UTP20: variants seen among roughly 807,000 people sequenced by gnomAD.
The protein encoded by UTP20 is small subunit processome component 20 homolog.
UTP20 carries 164 observed loss-of-function variants against 329.5 expected under a neutral mutation model. The ratio of observed to expected loss-of-function variants is 0.50; its 90% CI spans 0.44 to 0.57. The LOEUF (loss-of-function observed/expected upper bound fraction) is 0.57. Among genes scored for constraint, UTP20 ranks in the 20% least tolerant of loss-of-function variants. The pLI is 0.00. For missense variants in UTP20, 3,055 were observed against 3,284.2 expected, an observed-to-expected ratio of 0.93 and a Z score of 1.71; for synonymous variants, 1,151 against 1,159.3, an observed-to-expected ratio of 0.99 and a Z score of 0.14.
chr12:101,317,436 T>C, intron 21 of UTP20, 42 bp from the exon 22 acceptor site: 2 of 1,597,292 alleles, frequency 1.3e-6, no homozygotes, highest in South Asian at 1.1e-5. Context: ...CAGATTGGTG[T>C]GCGTTCTTCA....
chr12:101,290,451 C>T (rs1227532812), intron 7 of UTP20, among the ~76,000 whole-genome samples, 177 bp downstream of exon 7: 1 of 152,142 alleles, frequency 6.6e-6, no homozygotes, highest in African/African-American at 2.4e-5. Flanking sequence ...TGAGATGTTA[C>T]TTACAGAGCC....
At chr12:101,345,480 T>G in intron 36 of UTP20, 74 bp from the exon 37 acceptor site, 5 of 1,037,180 alleles carry the variant, frequency 4.8e-6, no homozygotes, top group Non-Finnish European at 5.3e-6. Flanking sequence ...AATTTTATGT[T>G]TTTTTCTGTT....
chr12:101,294,205 T>G (rs1224358143), intron 11 of UTP20, among the ~76,000 whole-genome samples: 1 of 152,112 alleles, frequency 6.6e-6, no homozygotes, highest in Admixed American at 6.6e-5. Context: ...CTGGCTGATT[T>G]TTTGTATTTT....
intron 26 of UTP20, among the ~76,000 whole-genome samples, chr12:101,328,057 A>G (rs1868628218): frequency 1.3e-5 from 2 of 152,226 alleles, no homozygotes; most frequent in South Asian, 4.1e-4. Context: ...CCTCTGTTCC[A>G]GTCCCCAAAT....
At chr12:101,281,288 T>A in intron 2 of UTP20, 92 bp downstream of exon 2, 1 of 1,107,650 alleles carries the variant, frequency 9.0e-7, no homozygotes, top group Non-Finnish European at 1.3e-6. Context: ...AAGGTATTCC[T>A]TTTTGGACAT....
intron 21 of UTP20, among the ~76,000 whole-genome samples, chr12:101,314,848 C>T (rs952053348): frequency 1.3e-5 from 2 of 152,046 alleles, no homozygotes; most frequent in East Asian, 1.9e-4. Context: ...CACCTATAAT[C>T]CCAGCACTTT....
intron 2 of UTP20, among the ~76,000 whole-genome samples, chr12:101,281,689 C>G (rs1754533764): frequency 6.6e-6 from 1 of 152,022 alleles, no homozygotes; most frequent in South Asian, 2.1e-4. Context: ...TCTGTCATCC[C>G]TTTATTTTAC....
intron 21 of UTP20, among the ~76,000 whole-genome samples, chr12:101,314,509 T>A (rs1872901567): frequency 6.6e-6 from 1 of 151,668 alleles, no homozygotes; most frequent in South Asian, 2.1e-4. Flanking sequence ...ATACAAAAAA[T>A]TAGCTAGGCG....
chr12:101,316,954 G>C (rs1182330989), intron 21 of UTP20, among the ~76,000 whole-genome samples: 1 of 152,196 alleles, frequency 6.6e-6, no homozygotes, highest in African/African-American at 2.4e-5. Context: ...TGGACATTCA[G>C]TTTCAATCTT....
In UTP20 at chr12:101,347,015, A is replaced by G. The variant is rs143977209; in HGVS notation, c.4884+427A>G. ...CTATTTCAAGTGCTTCATTCTCACA[A>G]CAACTCAACTCTCTGGAGTAGGGTA... On this transcript the variant is annotated intron_variant, in intron 38 of 61. Coordinates refer to ENST00000261637, the MANE Select transcript of UTP20 (RefSeq NM_014503.3). 5.2e-3 allele frequency among the ~76,000 whole-genome samples: 785 copies of G among 152,262 alleles called. 5 individuals are homozygous for G. Among genetic ancestry groups the G allele is most frequent in the Middle Eastern group, 0.038 (11 of 292 alleles).
chr12:101,294,445 A>G (rs572308976), intron 11 of UTP20, among the ~76,000 whole-genome samples: 1 of 152,110 alleles, frequency 6.6e-6, no homozygotes, highest in African/African-American at 2.4e-5. Flanking sequence ...ATAGAATTAT[A>G]TTAGAAATTT....
intron 38 of UTP20, among the ~76,000 whole-genome samples, chr12:101,348,036 C>T (rs1418929851): frequency 2.0e-5 from 3 of 152,144 alleles, no homozygotes; most frequent in African/African-American, 7.2e-5. Flanking sequence ...GCCATATTCT[C>T]CAGGCTGGTC....
At position 101,384,277 on chromosome 12, in the gene UTP20, C is replaced by T. The variant is rs570915477; in HGVS notation, c.8056+608C>T. Among the ~76,000 whole-genome samples the T allele has an allele frequency of 2.6e-5, 4 of 152,314 alleles. No homozygotes were observed. In the East Asian group the frequency reaches 7.7e-4, roughly 29 times the overall value. On this transcript the variant is annotated intron_variant, in intron 60 of 61. Transcript: ENST00000261637. ...AAATTATAGGCTGGGCGTAGTGGCT[C>T]ACGCCTGTAATCCCACACTTTGGGA...
chr12:101,358,930 G>T (rs2120990417), intron 43 of UTP20, among the ~76,000 whole-genome samples: 1 of 152,250 alleles, frequency 6.6e-6, no homozygotes, highest in Non-Finnish European at 1.5e-5. Context: ...CTGCTTTAAA[G>T]ACTTTATCGT....
intron 19 of UTP20, among the ~76,000 whole-genome samples, chr12:101,310,827 A>G (rs1398920136): frequency 6.6e-6 from 1 of 152,126 alleles, no homozygotes; most frequent in African/African-American, 2.4e-5. Context: ...ACCCTTGTCT[A>G]CCTTTTACTA....
In UTP20 at chr12:101,366,570, C is replaced by T. The variant is rs141955314; in HGVS notation, c.6138C>T (p.Ala2046=). 3.2e-5 allele frequency: 52 copies of T among 1,613,374 alleles called. No individual in the cohort carries two copies. The highest frequency in any genetic ancestry group is 4.3e-5 in the Non-Finnish European group (51 of 1,179,796). The change falls in exon 47 of 62, where the codon GCC becomes GCT. Residue 2046 remains alanine (A), a synonymous_variant. Coordinates refer to ENST00000261637, the MANE Select transcript of UTP20 (RefSeq NM_014503.3). ...ACGTGATTGACAGAAATCCAGTAGC[C>T]CCAGCACCAGATCCACGTCTACCAC... is the stretch of plus-strand genomic sequence containing the variant. The part of the protein sequence containing the change: ...LLTEKEKNPV[A]PAPDPRLPPQ...
At chr12:101,315,700 TG>T (rs1336817925) in intron 21 of UTP20, among the ~76,000 whole-genome samples, 1 of 152,232 alleles carries the variant, frequency 6.6e-6, no homozygotes, top group African/African-American at 2.4e-5. Context: ...TAGCTTTTTT[TG>T]CTTTGTTTTG....
intron 47 of UTP20, among the ~76,000 whole-genome samples, chr12:101,367,504 G>A (rs1253495087): frequency 6.6e-6 from 1 of 151,952 alleles, no homozygotes; most frequent in Non-Finnish European, 1.5e-5. Flanking sequence ...AACTCTCAAA[G>A]CACCCTACCT....
chr12:101,373,012 T>C, intron 52 of UTP20, 49 bp downstream of exon 52: 1 of 1,483,032 alleles, frequency 6.7e-7, no homozygotes, highest in Non-Finnish European at 9.4e-7. Context: ...GTTTCTTCTT[T>C]CCCTTTAACA....
Sources: gnomAD v4.1 joint callset for allele counts (sites outside exome capture counted in the v4.1 genomes callset) on GRCh38, gnomAD v4.1.1 for gene constraint, MANE v1.5 for transcripts, NCBI Gene and HGNC (gene_info 2026-07-23, HGNC 2026-07-21) for gene names.